ODF1: variants seen among roughly 807,000 people sequenced by gnomAD.
ODF1 encodes the protein outer dense fiber protein 1.
In ODF1, 10 loss-of-function variants were observed where a neutral mutation model predicts 24.0. That is an observed-to-expected ratio of 0.42 (90% CI 0.26 to 0.71). The LOEUF is 0.71. Ranked by LOEUF, ODF1 falls within the 30% of genes least tolerant of loss-of-function variation. ODF1 has a pLI of 0.28. For missense variants in ODF1, 282 were observed against 307.9 expected, an observed-to-expected ratio of 0.92 and a Z score of 0.63; for synonymous variants, 118 against 121.3, an observed-to-expected ratio of 0.97 and a Z score of 0.18.
In ODF1 at chr8:102,551,847, T is replaced by C; in HGVS notation, c.120T>C (p.Tyr40=). Residue 40 remains tyrosine, a synonymous_variant, in exon 1 of 2, where the codon TAT becomes TAC. Coordinates refer to ENST00000285402, the MANE Select transcript of ODF1 (RefSeq NM_024410.4). The part of the protein sequence containing the change: ...EFSTRCLCDL[Y]MHPYCCCDLH... ...GCACACGGTGCCTGTGCGACTTGTA[T>C]ATGCACCCCTATTGCTGCTGTGACT... 6.2e-7 allele frequency: 1 copy of C among 1,614,178 alleles called. No individual in the cohort carries two copies. The highest frequency in any genetic ancestry group is 8.5e-7 in the Non-Finnish European group (1 of 1,180,044).
At chr8:102,553,910 T>C (rs188295593) in intron 1 of ODF1, among the ~76,000 whole-genome samples, 1 of 152,322 alleles carries the variant, frequency 6.6e-6, no homozygotes, top group Non-Finnish European at 1.5e-5. Context: ...GCAGGCAATA[T>C]GTGAAGCTGG....
At position 102,551,611 on chromosome 8, in the gene ODF1, T is replaced by C. The variant is rs1826040962; in HGVS notation, c.-117T>C. ...CATAGAACACAAGCTTTAAAGTAAG[T>C]GAATCATGTGTGCCTCATTTATTTT... On this transcript the variant is annotated 5_prime_UTR_variant, in exon 1 of 2. Transcript: ENST00000285402. 4.1e-6 allele frequency: 3 copies of C among 735,772 alleles called. No individual in the cohort carries two copies. Among genetic ancestry groups the C allele is most frequent in the Non-Finnish European group, 6.6e-6 (3 of 453,406 alleles). 45.6% of individuals were successfully genotyped at this position (735,772 alleles called of 1,614,324 possible). A position where few individuals can be genotyped will look rare whatever the true frequency, so the allele number is the denominator to read the frequency against.
intron 1 of ODF1, among the ~76,000 whole-genome samples, chr8:102,554,504 A>C (rs766697038): frequency 1.3e-5 from 2 of 152,228 alleles, no homozygotes; most frequent in African/African-American, 2.4e-5. Context: ...TCTGTGTCAC[A>C]GTCAATCTGC....
At chr8:102,553,217 A>AAT (rs1207482232) in intron 1 of ODF1, among the ~76,000 whole-genome samples, 2 of 147,364 alleles carry the variant, frequency 1.4e-5, no homozygotes, top group African/African-American at 5.3e-5. Context: ...AAAAAAAAAA[A>AAT]AAAAAAAAAA....
At chr8:102,553,856 T>C (rs1272984672) in intron 1 of ODF1, among the ~76,000 whole-genome samples, 1 of 152,246 alleles carries the variant, frequency 6.6e-6, no homozygotes, top group East Asian at 1.9e-4. Flanking sequence ...TTTGTGATGC[T>C]CTTCCTGACA....
chr8:102,551,659 C>T lies in ODF1; in HGVS notation c.-69C>T. 1 of 1,359,196 alleles carries T rather than the reference C, an allele frequency of 7.4e-7. No individual in the cohort carries two copies. Among genetic ancestry groups the T allele is most frequent in the Non-Finnish European group, 1.0e-6 (1 of 990,242 alleles). 84.2% of individuals were successfully genotyped at this position (1,359,196 alleles called of 1,614,324 possible). A position where few individuals can be genotyped will look rare whatever the true frequency, so the allele number is the denominator to read the frequency against. On this transcript the variant is annotated 5_prime_UTR_variant, in exon 1 of 2. Coordinates refer to ENST00000285402, the MANE Select transcript of ODF1 (RefSeq NM_024410.4). ...TTTTAAAAGCAACTTCTGAGAAGGG[C>T]TTAGAACAAATTTTTTCCCGGAGTG...
At chr8:102,560,147 A>G (rs1054255988) in intron 1 of ODF1, among the ~76,000 whole-genome samples, 4 of 151,410 alleles carry the variant, frequency 2.6e-5, no homozygotes, top group African/African-American at 9.8e-5. Context: ...GAGGTACAGA[A>G]GGGTTAAGGA....
At chr8:102,554,177 G>A (rs1462764265) in intron 1 of ODF1, among the ~76,000 whole-genome samples, 3 of 152,200 alleles carry the variant, frequency 2.0e-5, no homozygotes, top group Admixed American at 6.5e-5. Context: ...GGCCCCCAGT[G>A]TAGTATTTTT....
intron 1 of ODF1, among the ~76,000 whole-genome samples, chr8:102,559,475 A>G (rs1432972123): frequency 2.6e-5 from 4 of 151,674 alleles, no homozygotes; most frequent in Admixed American, 1.3e-4. Flanking sequence ...TATCCTCATC[A>G]TGACTATGAT....
chr8:102,560,455 G>C lies in ODF1; in HGVS notation c.324G>C (p.Leu108=), dbSNP rs1563940334. ...IEDEKRELAK[L]RRTTNRILAS... ...CTATCCCTTTTCTCAATTCCAGACT[G>C]AGAAGAACAACAAATAGAATTCTGG... is the stretch of plus-strand genomic sequence containing the variant. Residue 108 remains leucine, a synonymous_variant, in exon 2 of 2, where the codon CTG becomes CTC. Transcript: ENST00000285402. 1 of 1,613,436 alleles carries C rather than the reference G, an allele frequency of 6.2e-7. No individual in the cohort carries two copies. Among genetic ancestry groups the C allele is most frequent in the Non-Finnish European group, 8.5e-7 (1 of 1,179,436 alleles).
chr8:102,553,204 TACAAAA>T (rs1227701569), intron 1 of ODF1, among the ~76,000 whole-genome samples: 1 of 65,678 alleles, frequency 1.5e-5, no homozygotes, highest in Non-Finnish European at 3.0e-5. Context: ...CTCTACTAAA[TACAAAA>T]AAAAAAAAAA....
chr8:102,555,581 G>A (rs946815475), intron 1 of ODF1, among the ~76,000 whole-genome samples: 5 of 152,212 alleles, frequency 3.3e-5, no homozygotes, highest in African/African-American at 1.2e-4. Context: ...CATGCTCTGA[G>A]GATGAGGTTT....
chr8:102,551,657 G>A lies in ODF1; in HGVS notation c.-71G>A. The A allele has an allele frequency of 1.5e-6, 2 of 1,298,956 alleles. No individual in the cohort carries two copies. The highest frequency in any genetic ancestry group is 2.1e-6 in the Non-Finnish European group (2 of 937,262). The allele number at this position is 1,298,956 out of a possible 1,614,324, so 80.5% of individuals were successfully genotyped here. A position where few individuals can be genotyped will look rare whatever the true frequency, so the allele number is the denominator to read the frequency against. On this transcript the variant is annotated 5_prime_UTR_variant, in exon 1 of 2. Coordinates refer to ENST00000285402, the MANE Select transcript of ODF1 (RefSeq NM_024410.4). ...ATTTTTAAAAGCAACTTCTGAGAAGGGCTTAGAACAAATTTTTTCCCGGAG... is the reference window on the plus strand; with the variant it reads ...ATTTTTAAAAGCAACTTCTGAGAAGAGCTTAGAACAAATTTTTTCCCGGAG...
chr8:102,554,126 G>A (rs1044241998), intron 1 of ODF1, among the ~76,000 whole-genome samples: 3 of 152,172 alleles, frequency 2.0e-5, no homozygotes, highest in Admixed American at 1.3e-4. Flanking sequence ...CCTGAATATG[G>A]GTGAAAATGT....
intron 1 of ODF1, among the ~76,000 whole-genome samples, chr8:102,557,034 A>G (rs1196748557): frequency 6.6e-6 from 1 of 151,936 alleles, no homozygotes; most frequent in Non-Finnish European, 1.5e-5. Flanking sequence ...CATATTCGGG[A>G]GTTTGGTTGT....
intron 1 of ODF1, among the ~76,000 whole-genome samples, chr8:102,554,838 G>T (rs1272352074): frequency 2.0e-5 from 3 of 152,094 alleles, no homozygotes; most frequent in African/African-American, 7.2e-5. Context: ...CATGCTTGTG[G>T]TCCCAGGTAC....
rs1354280106 is a variant in ODF1, at chr8:102,551,600, T to C, written c.-128T>C. 2.9e-6 allele frequency: 2 copies of C among 699,880 alleles called. No individual in the cohort carries two copies. The highest frequency in any genetic ancestry group is 3.6e-5 in the African/African-American group (2 of 55,934). 43.4% of individuals were successfully genotyped at this position (699,880 alleles called of 1,614,324 possible). A position where few individuals can be genotyped will look rare whatever the true frequency, so the allele number is the denominator to read the frequency against. ...GGTGGTGAGGTCATAGAACACAAGC[T>C]TTAAAGTAAGTGAATCATGTGTGCC... On this transcript the variant is annotated 5_prime_UTR_variant, in exon 1 of 2. Transcript: ENST00000285402.
chr8:102,551,637 T>C lies in ODF1; in HGVS notation c.-91T>C. On this transcript the variant is annotated 5_prime_UTR_variant, in exon 1 of 2. Coordinates refer to ENST00000285402, the MANE Select transcript of ODF1 (RefSeq NM_024410.4). ...GAATCATGTGTGCCTCATTTATTTT[T>C]AAAAGCAACTTCTGAGAAGGGCTTA... The C allele has an allele frequency of 9.5e-7, 1 of 1,055,780 alleles. No individual in the cohort carries two copies. 65.4% of individuals were successfully genotyped at this position (1,055,780 alleles called of 1,614,324 possible).
At chr8:102,552,586 G>A (rs1826055801) in intron 1 of ODF1, among the ~76,000 whole-genome samples, 2 of 152,054 alleles carry the variant, frequency 1.3e-5, no homozygotes, top group Admixed American at 1.3e-4. Flanking sequence ...CTTGTATCTG[G>A]AATTAGGTCT....
Sources: allele counts gnomAD v4.1 joint callset (sites outside exome capture counted in the v4.1 genomes callset), GRCh38; gene constraint gnomAD v4.1.1; transcripts MANE v1.5; gene names NCBI Gene and HGNC (gene_info 2026-07-23, HGNC 2026-07-21).